The following VAV3 variants were observed in gnomAD, a reference collection of about 807,000 sequenced individuals.
VAV3 encodes vav guanine nucleotide exchange factor 3, also known as guanine nucleotide exchange factor VAV3.
A neutral mutation model predicts 131.2 loss-of-function variants in VAV3; 94 were observed. That is an observed-to-expected ratio of 0.72 (90% CI 0.61 to 0.85). The LOEUF is 0.85. VAV3 is among the 40% of genes least tolerant of loss of function. The probability of loss-of-function intolerance (pLI) is 0.00; values close to 1 mark genes in which losing one functional copy is unlikely to be tolerated. For synonymous variants in VAV3, 349 were observed against 342.0 expected (o/e 1.02, Z -0.22); for missense variants, 939 against 1,002.7 (o/e 0.94, Z 0.86).
At chr1:107,701,635 A>G (rs1012040603) in intron 17 of VAV3, among the ~76,000 whole-genome samples, 2 of 152,214 alleles carry the variant, frequency 1.3e-5, no homozygotes, top group African/African-American at 2.4e-5. Context: ...TTTCTATCGC[A>G]TCATCAGGCT....
intron 2 of VAV3, among the ~76,000 whole-genome samples, chr1:107,840,921 TAA>T (rs55688733): frequency 2.7e-4 from 40 of 146,868 alleles, no homozygotes; most frequent in South Asian, 1.1e-3. Context: ...GAGATGCTTT[TAA>T]AAAAAAAAAA....
intron 22 of VAV3, among the ~76,000 whole-genome samples, chr1:107,608,878 C>T (rs1652506395): frequency 1.3e-5 from 2 of 152,154 alleles, no homozygotes; most frequent in African/African-American, 2.4e-5. Flanking sequence ...TCTGATATCT[C>T]ATTTCTATGC....
chr1:107,947,885 G>A (rs1674345191), intron 1 of VAV3, among the ~76,000 whole-genome samples: 1 of 152,132 alleles, frequency 6.6e-6, no homozygotes, highest in Admixed American at 6.5e-5. Flanking sequence ...GCCAAGAACA[G>A]GAAACTGACA....
intron 12 of VAV3, among the ~76,000 whole-genome samples, chr1:107,754,539 C>T (rs12568750): frequency 0.47 from 71,070 of 152,086 alleles, 16,861 homozygotes; most frequent in Non-Finnish European, 0.49. Context: ...GCTGCCTGCT[C>T]ACAGGGTCTT....
At chr1:107,817,215 T>C (rs963412986) in intron 2 of VAV3, among the ~76,000 whole-genome samples, 1 of 152,084 alleles carries the variant, frequency 6.6e-6, no homozygotes, top group Non-Finnish European at 1.5e-5. Flanking sequence ...ACTGGGCTGG[T>C]GGTTAACTCC....
chr1:107,907,658 C>A (rs867679446), intron 1 of VAV3, among the ~76,000 whole-genome samples: 3 of 151,670 alleles, frequency 2.0e-5, no homozygotes, highest in African/African-American at 7.3e-5. Flanking sequence ...CGTGTGCGTG[C>A]GTTCTCTCTC....
intron 2 of VAV3, among the ~76,000 whole-genome samples, chr1:107,846,926 T>C (rs184351159): frequency 1.3e-5 from 2 of 152,176 alleles, no homozygotes; most frequent in South Asian, 2.1e-4. Context: ...CTGGACCTAA[T>C]AGACATCTAC....
At chr1:107,844,227 C>G (rs1668856844) in intron 2 of VAV3, among the ~76,000 whole-genome samples, 1 of 151,916 alleles carries the variant, frequency 6.6e-6, no homozygotes, top group Non-Finnish European at 1.5e-5. Flanking sequence ...TCAGGGAACT[C>G]CCTCCCCTAG....
chr1:107,701,938 T>C (rs1660156280), intron 17 of VAV3, among the ~76,000 whole-genome samples: 1 of 151,762 alleles, frequency 6.6e-6, no homozygotes, highest in Non-Finnish European at 1.5e-5. Flanking sequence ...CTTCCTGTCT[T>C]CTTCTGAGCC....
intron 17 of VAV3, 157 bp from the exon 18 acceptor site, chr1:107,688,563 T>G: frequency 6.6e-7 from 1 of 1,505,554 alleles, no homozygotes; most frequent in South Asian, 1.3e-5. Flanking sequence ...GGCTAGTAAT[T>G]ATTTTGCAAC....
At chr1:107,893,680 C>G (rs1278460948) in intron 1 of VAV3, among the ~76,000 whole-genome samples, 1 of 152,144 alleles carries the variant, frequency 6.6e-6, no homozygotes, top group African/African-American at 2.4e-5. Context: ...CCTCATGATT[C>G]AATTACCTCC....
intron 1 of VAV3, among the ~76,000 whole-genome samples, chr1:107,884,408 A>AG (rs1670930666): frequency 1.8e-3 from 1 of 544 alleles, no homozygotes; most frequent in Non-Finnish European, 5.0e-3. Flanking sequence ...TAAATTATTT[A>AG]TTATTATTAT....
intron 20 of VAV3, among the ~76,000 whole-genome samples, chr1:107,634,202 T>C (rs909793340): frequency 1.3e-5 from 2 of 152,054 alleles, no homozygotes; most frequent in African/African-American, 4.8e-5. Flanking sequence ...GGAGGCATCA[T>C]GCTACCTGAC....
At position 107,670,186 on chromosome 1, in the gene VAV3, C is replaced by T. The variant is rs1338377486; in HGVS notation, c.1777+13302G>A. ...TTCAAACTTGATGCCCATACTGCTT[C>T]CTACCAGTAAGAGTAAGAATTTCCA... On this transcript the variant is annotated intron_variant, in intron 19 of 26. Coordinates refer to ENST00000370056, the MANE Select transcript of VAV3 (RefSeq NM_006113.5). Among the ~76,000 whole-genome samples the T allele has an allele frequency of 2.0e-5, 3 of 152,308 alleles. No individual in the cohort carries two copies. The East Asian group carries it at 5.8e-4, about 29-fold the overall frequency.
rs144684736 is a variant in VAV3, at chr1:107,611,760, G to A, written c.1981-1795C>T. On this transcript the variant is annotated intron_variant, in intron 21 of 26. Coordinates refer to ENST00000370056, the MANE Select transcript of VAV3 (RefSeq NM_006113.5). Reference sequence around the variant, plus strand: ...TTCTAAAACAGAACAGGTAACTGAGGCTGTTCCACCCTGGTGTCCCACTAG... The same window carrying A: ...TTCTAAAACAGAACAGGTAACTGAGACTGTTCCACCCTGGTGTCCCACTAG... Among the ~76,000 whole-genome samples, 108 of 152,242 alleles carry A rather than the reference G, an allele frequency of 7.1e-4. No individual in the cohort carries two copies. In the East Asian group the frequency reaches 0.018, roughly 26 times the overall value.
chr1:107,584,804 T>C (rs1023801116), intron 25 of VAV3, among the ~76,000 whole-genome samples: 2 of 152,178 alleles, frequency 1.3e-5, no homozygotes, highest in South Asian at 2.1e-4. Flanking sequence ...AAACTAAGTA[T>C]AAGGTCTTTC....
chr1:107,789,019 A>G (rs1396301758), intron 2 of VAV3, among the ~76,000 whole-genome samples: 1 of 152,194 alleles, frequency 6.6e-6, no homozygotes, highest in Non-Finnish European at 1.5e-5. Context: ...CAGCATCATC[A>G]CCAGCTGATT....
chr1:107,766,602 A>G (rs1664747079), intron 7 of VAV3, 52 bp from the exon 8 acceptor site: 1 of 1,388,512 alleles, frequency 7.2e-7, no homozygotes, highest in South Asian at 1.2e-5. Context: ...ACCAAAAAAT[A>G]CACCCCAAAC....
At chr1:107,777,174 C>A in intron 4 of VAV3, 57 bp downstream of exon 4, 1 of 1,486,100 alleles carries the variant, frequency 6.7e-7, no homozygotes, top group Non-Finnish European at 9.4e-7. Flanking sequence ...CAGTTAAAAC[C>A]CACAATGGAC....
Sources: gnomAD v4.1 joint callset for allele counts (sites outside exome capture counted in the v4.1 genomes callset) on GRCh38, gnomAD v4.1.1 for gene constraint, MANE v1.5 for transcripts, NCBI Gene and HGNC (gene_info 2026-07-23, HGNC 2026-07-21) for gene names.